ATRNL1: variants seen among roughly 807,000 people sequenced by gnomAD.
ATRNL1 encodes the protein attractin-like protein 1.
A neutral mutation model predicts 182.7 loss-of-function variants in ATRNL1; 95 were observed. The observed-to-expected ratio is 0.52, with a 90% CI of 0.44 to 0.62. The LOEUF (loss-of-function observed/expected upper bound fraction) is 0.62, where lower values mean the gene tolerates loss of function less well. ATRNL1 is among the 20% of genes least tolerant of loss of function. The pLI, the probability that ATRNL1 is intolerant of heterozygous loss-of-function variation, is 0.00. For synonymous variants in ATRNL1, 576 were observed against 568.3 expected (o/e 1.01, Z -0.19); for missense variants, 1,471 against 1,679.5 (o/e 0.88, Z 2.17).
intron 18 of ATRNL1, among the ~76,000 whole-genome samples, chr10:115,333,889 G>A (rs1319772378): frequency 6.6e-6 from 1 of 152,084 alleles, no homozygotes; most frequent in African/African-American, 2.4e-5. Flanking sequence ...ATTATCATGT[G>A]TTAATATAAT....
intron 8 of ATRNL1, among the ~76,000 whole-genome samples, chr10:115,171,577 A>G (rs890087480): frequency 1.5e-4 from 23 of 151,912 alleles, no homozygotes; most frequent in African/African-American, 5.3e-4. Flanking sequence ...AGGTGGTGCT[A>G]TTTCTTTGGA....
At chr10:115,413,406 C>A (rs782055721) in intron 20 of ATRNL1, among the ~76,000 whole-genome samples, 1 of 152,196 alleles carries the variant, frequency 6.6e-6, no homozygotes, top group South Asian at 2.1e-4. Context: ...CTTGCCTAAT[C>A]TTAATTTTTA....
chr10:115,304,572 C>T (rs1450520016), intron 17 of ATRNL1, among the ~76,000 whole-genome samples: 1 of 152,142 alleles, frequency 6.6e-6, no homozygotes, highest in African/African-American at 2.4e-5. Context: ...AAAGAGGAAA[C>T]CCCAAGTGTG....
intron 27 of ATRNL1, among the ~76,000 whole-genome samples, chr10:115,833,144 A>G (rs1460434004): frequency 6.6e-6 from 1 of 152,216 alleles, no homozygotes; most frequent in African/African-American, 2.4e-5. Flanking sequence ...AAATCATAAC[A>G]TAGCTGCCAT....
intron 5 of ATRNL1, among the ~76,000 whole-genome samples, chr10:115,143,410 GA>G (rs1245957432): frequency 6.8e-6 from 1 of 147,908 alleles, no homozygotes; most frequent in Non-Finnish European, 1.5e-5. Flanking sequence ...TCTTTCTTGG[GA>G]TTTTTTTTTT....
intron 14 of ATRNL1, 46 bp downstream of exon 14, chr10:115,281,533 A>C: frequency 1.3e-6 from 2 of 1,566,874 alleles, no homozygotes; most frequent in African/African-American, 2.7e-5. Flanking sequence ...TCTACAGATA[A>C]ATACTGACAT....
At chr10:115,659,333 C>G (rs1555037023) in intron 26 of ATRNL1, among the ~76,000 whole-genome samples, 1 of 152,080 alleles carries the variant, frequency 6.6e-6, no homozygotes, top group Non-Finnish European at 1.5e-5. Context: ...CTCTTAGGCA[C>G]TGACTGATAT....
At chr10:115,500,269 G>A (rs192958261) in intron 24 of ATRNL1, among the ~76,000 whole-genome samples, 3 of 152,288 alleles carry the variant, frequency 2.0e-5, no homozygotes, top group South Asian at 2.1e-4. Context: ...TTAGTTTTCA[G>A]TGACTCCAAA....
chr10:115,622,818 G>A (rs1433323888), intron 26 of ATRNL1, among the ~76,000 whole-genome samples: 2 of 151,874 alleles, frequency 1.3e-5, no homozygotes, highest in African/African-American at 2.4e-5. Context: ...TCCCAGCTAC[G>A]TGGGAGGCTG....
chr10:115,700,362 CTT>C (rs1321183243), intron 26 of ATRNL1, among the ~76,000 whole-genome samples: 2 of 152,090 alleles, frequency 1.3e-5, no homozygotes, highest in African/African-American at 4.8e-5. Flanking sequence ...TGTTGTTTGA[CTT>C]TTTAAAAATA....
At chr10:115,135,697 A>G (rs1161703810) in intron 5 of ATRNL1, among the ~76,000 whole-genome samples, 1 of 152,204 alleles carries the variant, frequency 6.6e-6, no homozygotes, top group African/African-American at 2.4e-5. Context: ...TAAAGTTCAT[A>G]TGGAACCAAA....
rs192297510 is a variant in ATRNL1, at chr10:115,521,697, A to G, written c.3716+2373A>G. Among the ~76,000 whole-genome samples, 236 of 152,326 alleles carry G rather than the reference A, an allele frequency of 1.5e-3. 1 individual carries two copies. Among genetic ancestry groups the G allele is most frequent in the African/African-American group, 5.4e-3 (225 of 41,590 alleles). ...ATTTATTATGTTGTCATCATGGACA[A>G]TGTAAAATAAAATATTCTAATCTTT... On this transcript the variant is annotated intron_variant, in intron 25 of 28. Coordinates refer to ENST00000355044, the MANE Select transcript of ATRNL1 (RefSeq NM_207303.4).
rs1555032996 is a variant in ATRNL1 at position 115,647,611 on chromosome 10, TCTGTTCATATC to T, written c.3796-79634_3796-79624del. On this transcript the variant is annotated intron_variant, in intron 26 of 28. Transcript: ENST00000355044. ...CCTAAATGTCTTCTTTTGAGAAGTG[TCTGTTCATATC>T]CTTTGCCCACTTTTTGATGGGGTTG... is the stretch of plus-strand genomic sequence containing the variant. Among the ~76,000 whole-genome samples the T allele has an allele frequency of 4.6e-5, 7 of 152,336 alleles. 1 individual carries two copies. The South Asian group carries it at 1.4e-3, about 32-fold the overall frequency.
intron 25 of ATRNL1, among the ~76,000 whole-genome samples, chr10:115,524,156 C>A (rs1851092301): frequency 6.6e-6 from 1 of 152,150 alleles, no homozygotes; most frequent in African/African-American, 2.4e-5. Flanking sequence ...ACATGAGACA[C>A]AACGATGGCA....
chr10:115,854,817 G>T (rs546460565), intron 28 of ATRNL1, among the ~76,000 whole-genome samples: 1 of 152,218 alleles, frequency 6.6e-6, no homozygotes, highest in African/African-American at 2.4e-5. Flanking sequence ...TTTATCCCTG[G>T]AGCGGACAGA....
At position 115,483,257 on chromosome 10, in the gene ATRNL1, G is replaced by T. The variant is rs370092056; in HGVS notation, c.3654+13928G>T. Among the ~76,000 whole-genome samples, 21 of 151,346 alleles carry T rather than the reference G, an allele frequency of 1.4e-4. No individual in the cohort carries two copies. The South Asian group carries it at 4.4e-3, about 31-fold the overall frequency. ...ATCAACAATAGTTTATATAATGAAA[G>T]AAGTCACCAGAAACTTGTATTGCGT... is the stretch of plus-strand genomic sequence containing the variant. On this transcript the variant is annotated intron_variant, in intron 24 of 28. Coordinates refer to ENST00000355044, the MANE Select transcript of ATRNL1 (RefSeq NM_207303.4).
intron 9 of ATRNL1, among the ~76,000 whole-genome samples, chr10:115,219,852 G>A (rs1049459649): frequency 9.2e-5 from 14 of 152,062 alleles, no homozygotes; most frequent in Non-Finnish European, 1.5e-4. Context: ...GTGGTGAGCC[G>A]AGATCGTGCC....
At position 115,411,915 on chromosome 10, in the gene ATRNL1, G is replaced by A. The variant is rs371771521; in HGVS notation, c.3270-14335G>A. ...TATCTATAACAAAAATTTTATGTTGGGCAGCTCCTATATTGACCATTAATT... is the reference window on the plus strand; with the variant it reads ...TATCTATAACAAAAATTTTATGTTGAGCAGCTCCTATATTGACCATTAATT... On this transcript the variant is annotated intron_variant, in intron 20 of 28. Coordinates refer to ENST00000355044, the MANE Select transcript of ATRNL1 (RefSeq NM_207303.4). 7.6e-4 allele frequency among the ~76,000 whole-genome samples: 116 copies of A among 151,764 alleles called. 2 individuals carry two copies. The South Asian group carries it at 0.024, about 31-fold the overall frequency.
intron 27 of ATRNL1, among the ~76,000 whole-genome samples, chr10:115,795,277 C>G (rs1949624507): frequency 1.3e-5 from 2 of 152,156 alleles, no homozygotes; most frequent in African/African-American, 4.8e-5. Flanking sequence ...TACTGAACAC[C>G]ATGAGTTTAT....
Sources: allele counts gnomAD v4.1 joint callset (sites outside exome capture counted in the v4.1 genomes callset), GRCh38; gene constraint gnomAD v4.1.1; transcripts MANE v1.5; gene names NCBI Gene and HGNC (gene_info 2026-07-23, HGNC 2026-07-21).